MEP1A: variants seen among roughly 807,000 people sequenced by gnomAD.
The protein encoded by MEP1A is N-benzoyl-L-tyrosyl-P-amino-benzoic acid hydrolase subunit alpha.
In MEP1A, 68 loss-of-function variants were observed where a neutral mutation model predicts 84.5. The ratio of observed to expected loss-of-function variants is 0.80; its 90% CI spans 0.66 to 0.98. The LOEUF (loss-of-function observed/expected upper bound fraction) is 0.98, where lower values mean the gene tolerates loss of function less well. Among genes scored for constraint, MEP1A ranks in the 50% least tolerant of loss-of-function variants. The pLI, the probability that MEP1A is intolerant of heterozygous loss-of-function variation, is 0.00. For missense variants in MEP1A, 887 were observed against 919.9 expected (o/e 0.96, Z 0.46); for synonymous variants, 337 against 336.8 (o/e 1.00, Z -0.01).
intron 3 of MEP1A, among the ~76,000 whole-genome samples, chr6:46,797,740 T>G (rs1246716908): frequency 6.6e-6 from 1 of 152,178 alleles, no homozygotes; most frequent in Non-Finnish European, 1.5e-5. Flanking sequence ...ACTCTATTTC[T>G]TTCTCCATTT....
At chr6:46,829,266 G>A in intron 9 of MEP1A, 90 bp from the exon 10 acceptor site, 1 of 1,023,740 alleles carries the variant, frequency 9.8e-7, no homozygotes, top group Non-Finnish European at 1.5e-6. Context: ...CTGGACAATG[G>A]CTGTGGTTCA....
At chr6:46,842,108 CTT>C (rs1768341465), downstream of MEP1A, among the ~76,000 whole-genome samples, 1 of 152,136 alleles carries the variant, frequency 6.6e-6, no homozygotes, top group African/African-American at 2.4e-5. Context: ...TCTGTCTTTA[CTT>C]TAATTTCTTA....
At chr6:46,824,824 G>A (rs1432009755) in intron 7 of MEP1A, among the ~76,000 whole-genome samples, 1 of 105,216 alleles carries the variant, frequency 9.5e-6, no homozygotes, top group African/African-American at 4.2e-5. Context: ...TTAATTAGAT[G>A]TATTTAAATA....
Position 46,833,288 on chromosome 6 carries a change from G to A in MEP1A, c.1359G>A (p.Lys453=). Residue 453 remains lysine (K), a synonymous_variant, in exon 11 of 14, where the codon AAG becomes AAA. Coordinates refer to ENST00000230588, the MANE Select transcript of MEP1A (RefSeq NM_005588.3). The stretch of plus-strand genomic sequence containing the variant: ...TTGAGAACACCAGCAAAGGGGACAA[G>A]CTTCAGAGCCCTCGATTCTACAATT... The part of the protein sequence containing the change: ...QVLENTSKGD[K]LQSPRFYNSE... 2 of 1,614,212 alleles carry A rather than the reference G, an allele frequency of 1.2e-6. No homozygotes were observed. The highest frequency in any genetic ancestry group is 1.1e-5 in the South Asian group (1 of 91,074).
At chr6:46,825,030 TAG>T (rs1235394806) in intron 7 of MEP1A, among the ~76,000 whole-genome samples, 3 of 87,514 alleles carry the variant, frequency 3.4e-5, no homozygotes, top group African/African-American at 6.7e-5. Flanking sequence ...TATATTTAAA[TAG>T]ATCTATTTAA....
intron 8 of MEP1A, 83 bp downstream of exon 8, chr6:46,825,576 C>A (rs552617918): frequency 1.1e-6 from 1 of 939,472 alleles, no homozygotes; most frequent in African/African-American, 1.7e-5. Flanking sequence ...TTACATTTTC[C>A]TTTACTCTTC....
intron 7 of MEP1A, among the ~76,000 whole-genome samples, chr6:46,825,004 A>ATATATATAAATTATATATTTAAAT (rs1767893796): frequency 7.3e-5 from 5 of 68,428 alleles, no homozygotes; most frequent in African/African-American, 2.6e-4. Flanking sequence ...AGATCTATTT[A>ATATATATAAATTATATATTTAAAT]AGTATATATA....
At chr6:46,797,819 T>TC (rs1767085415) in intron 3 of MEP1A, among the ~76,000 whole-genome samples, 1 of 149,804 alleles carries the variant, frequency 6.7e-6, no homozygotes, top group Non-Finnish European at 1.5e-5. Flanking sequence ...TCTTTCTTTC[T>TC]TTCTTTCTTT....
At chr6:46,820,316 A>G (rs980345474) in intron 7 of MEP1A, among the ~76,000 whole-genome samples, 1 of 152,102 alleles carries the variant, frequency 6.6e-6, no homozygotes, top group Admixed American at 6.5e-5. Flanking sequence ...TCCACCTCAT[A>G]CAATGCAAAA....
At chr6:46,793,499 A>G (rs1766976554) in intron 1 of MEP1A, 32 bp downstream of exon 1, 2 of 1,598,240 alleles carry the variant, frequency 1.3e-6, no homozygotes, top group Admixed American at 1.7e-5. Flanking sequence ...GGATATTTAG[A>G]AATATTAATT....
At chr6:46,807,285 T>C (rs950676356) in intron 5 of MEP1A, among the ~76,000 whole-genome samples, 2 of 151,874 alleles carry the variant, frequency 1.3e-5, no homozygotes, top group Admixed American at 6.6e-5. Context: ...TACAACTTAC[T>C]ATGTCAGGGC....
At chr6:46,795,840 G>A (rs1031041957) in intron 3 of MEP1A, among the ~76,000 whole-genome samples, 1 of 152,004 alleles carries the variant, frequency 6.6e-6, no homozygotes, top group Non-Finnish European at 1.5e-5. Context: ...ATAAAGTAAA[G>A]GCCCTAGAGC....
At chr6:46,826,310 A>AGT (rs1457478527) in intron 8 of MEP1A, 44 bp from the exon 9 acceptor site, 7 of 1,539,026 alleles carry the variant, frequency 4.5e-6, no homozygotes, top group Non-Finnish European at 6.2e-6. Flanking sequence ...ATTTGGAATG[A>AGT]CTATCTTTCA....
chr6:46,817,336 T>C (rs999604446), intron 6 of MEP1A, among the ~76,000 whole-genome samples: 1 of 152,212 alleles, frequency 6.6e-6, no homozygotes, highest in African/African-American at 2.4e-5. Flanking sequence ...CTCATCTTAC[T>C]GCATGTGTTT....
At chr6:46,824,838 A>AT (rs1767878938) in intron 7 of MEP1A, among the ~76,000 whole-genome samples, 1 of 83,974 alleles carries the variant, frequency 1.2e-5, no homozygotes, top group African/African-American at 5.7e-5. Flanking sequence ...TTAAATATAT[A>AT]TAAATTATAT....
chr6:46,810,303 T>G (rs1767466166), intron 6 of MEP1A, among the ~76,000 whole-genome samples: 1 of 152,106 alleles, frequency 6.6e-6, no homozygotes, highest in African/African-American at 2.4e-5. Context: ...AGCCCAATTT[T>G]TGATGGGATT....
intron 13 of MEP1A, among the ~76,000 whole-genome samples, chr6:46,836,733 A>G (rs2150758605): frequency 6.6e-6 from 1 of 151,196 alleles, no homozygotes; most frequent in Non-Finnish European, 1.5e-5. Context: ...ATTTGGGACA[A>G]TTCCTCAGTT....
At position 46,799,166 on chromosome 6, in the gene MEP1A, T is replaced by C; in HGVS notation, c.247T>C (p.Leu83=). ...TRWTFPIPYI[L]ADNLGLNAKG... is the part of the protein sequence containing the mutation. ...GTGGACGTTCCCCATTCCTTACATC[T>C]TGGCTGATAATTTGGGTAATATTAA... Residue 83 remains leucine (L), a synonymous_variant, in exon 5 of 14, where the codon TTG becomes CTG. Transcript: ENST00000230588. The C allele has an allele frequency of 1.2e-6, 2 of 1,609,438 alleles. No individual in the cohort carries two copies. The highest frequency in any genetic ancestry group is 1.7e-6 in the Non-Finnish European group (2 of 1,175,704).
intron 6 of MEP1A, among the ~76,000 whole-genome samples, chr6:46,813,250 TG>T (rs1448584283): frequency 6.6e-6 from 1 of 152,152 alleles, no homozygotes; most frequent in African/African-American, 2.4e-5. Flanking sequence ...TGCAAATACG[TG>T]GAAATTAAAT....
Sources: gnomAD v4.1 joint callset for allele counts (sites outside exome capture counted in the v4.1 genomes callset) on GRCh38, gnomAD v4.1.1 for gene constraint, MANE v1.5 for transcripts, NCBI Gene and HGNC (gene_info 2026-07-23, HGNC 2026-07-21) for gene names.